Variants in FREM1 observed in about 807,000 individuals in gnomAD.
FREM1 encodes FRAS1 related extracellular matrix 1.
FREM1 carries 220 observed loss-of-function variants against 210.1 expected under a neutral mutation model. The ratio of observed to expected loss-of-function variants is 1.05; its 90% confidence interval spans 0.94 to 1.17. The LOEUF is 1.17. Among genes scored for constraint, FREM1 ranks in the 50% most tolerant of loss-of-function variants. FREM1 has a pLI of 0.00. For missense variants in FREM1, 3,454 were observed against 2,675.5 expected, an observed-to-expected ratio of 1.29 and a Z score of -6.42; for synonymous variants, 1,189 against 980.2, an observed-to-expected ratio of 1.21 and a Z score of -3.98.
chr9:14,739,231 G>A (rs954504819), intron 36 of FREM1, among the ~76,000 whole-genome samples: 13 of 150,958 alleles, frequency 8.6e-5, no homozygotes, highest in Non-Finnish European at 1.5e-4. Context: ...AGCCTCCCAA[G>A]TAGGTGGGAC....
At chr9:14,813,754 T>TATC (rs61651238) in intron 15 of FREM1, among the ~76,000 whole-genome samples, 23,423 of 151,944 alleles carry the variant, frequency 0.15, 2,530 homozygotes, top group East Asian at 0.51. Context: ...TGGAAAAGCA[T>TATC]ATCTTCTAAA....
At chr9:14,909,082 G>A (rs1818285816) in intron 1 of FREM1, among the ~76,000 whole-genome samples, 1 of 152,174 alleles carries the variant, frequency 6.6e-6, no homozygotes, top group East Asian at 1.9e-4. Context: ...GCACCACAGA[G>A]GTTAATCTCT....
At chr9:14,835,474 C>T (rs1163385976) in intron 10 of FREM1, among the ~76,000 whole-genome samples, 2 of 152,188 alleles carry the variant, frequency 1.3e-5, no homozygotes, top group African/African-American at 4.8e-5. Context: ...AGGAATCAAG[C>T]TCGACATGTA....
chr9:14,859,121 GC>G, intron 4 of FREM1, 61 bp downstream of exon 4: 3 of 1,317,290 alleles, frequency 2.3e-6, no homozygotes, highest in Non-Finnish European at 3.1e-6. Context: ...TGGAAGGTGA[GC>G]ATGCATGGAT....
chr9:14,850,462 G>C lies in FREM1; in HGVS notation c.1152+822C>G, dbSNP rs1367239515. Reference sequence around the variant, plus strand: ...CTTGGCAGCACATATACTAAAATTGGAATGCTACAGAGAAGATTAGCATAG... The same window carrying C: ...CTTGGCAGCACATATACTAAAATTGCAATGCTACAGAGAAGATTAGCATAG... On this transcript the variant is annotated intron_variant, in intron 6 of 36. Coordinates refer to ENST00000380880, the MANE Select transcript of FREM1 (RefSeq NM_001379081.2). 4 of 152,246 alleles carry C rather than the reference G, an allele frequency of 2.6e-5. No homozygotes were observed. In the East Asian group the frequency reaches 7.7e-4, roughly 29 times the overall value. The allele number at this position is 152,246 out of a possible 1,614,324, so 9.4% of individuals were successfully genotyped here. A position where few individuals can be genotyped will look rare whatever the true frequency, so the allele number is the denominator to read the frequency against.
At chr9:14,769,248 C>T (rs2132466770) in intron 27 of FREM1, among the ~76,000 whole-genome samples, 1 of 152,288 alleles carries the variant, frequency 6.6e-6, no homozygotes, top group Middle Eastern at 3.4e-3. Context: ...TATAAACATA[C>T]TGTCAAGTAA....
At chr9:14,884,770 C>T (rs996119014) in intron 1 of FREM1, among the ~76,000 whole-genome samples, 7 of 152,248 alleles carry the variant, frequency 4.6e-5, no homozygotes, top group African/African-American at 1.7e-4. Context: ...TCTTAACGGT[C>T]AATGGTAATG....
rs200482899 is a variant in FREM1, at chr9:14,859,273, G to A, written c.541C>T (p.Arg181Trp). 1.8e-4 allele frequency: 284 copies of A among 1,613,668 alleles called. No homozygotes were observed. In the African/African-American group the frequency reaches 1.8e-3, roughly 10 times the overall value. Residue 181 changes from arginine to tryptophan, a missense_variant, in exon 4 of 37, where the codon CGG (arginine) becomes TGG (tryptophan). Coordinates refer to ENST00000380880, the MANE Select transcript of FREM1 (RefSeq NM_001379081.2). ...ACCATCTGGCCATGGGCTGGCAGCC[G>A]AGTTCTCGCAGTGTCCAGGCTGACG... is the stretch of plus-strand genomic sequence containing the variant. ...CTVSLDTART[R>W]LPAHGQMVLG...
intron 18 of FREM1, among the ~76,000 whole-genome samples, chr9:14,806,253 CT>C (rs35603165): frequency 3.6e-3 from 466 of 129,714 alleles, no homozygotes; most frequent in Middle Eastern, 0.016. Context: ...GTGCTTTAAA[CT>C]TTTTTTTTTT....
intron 21 of FREM1, among the ~76,000 whole-genome samples, chr9:14,795,926 G>C (rs1302731127): frequency 2.0e-5 from 3 of 152,042 alleles, no homozygotes; most frequent in Non-Finnish European, 4.4e-5. Flanking sequence ...CTTAAAATGA[G>C]ATCATCAAAA....
chr9:14,854,282 T>C (rs746390748), intron 5 of FREM1, among the ~76,000 whole-genome samples: 2 of 152,066 alleles, frequency 1.3e-5, no homozygotes, highest in Admixed American at 6.5e-5. Context: ...TAAAACATGA[T>C]AGAAAAAAGT....
chr9:14,823,225 C>G lies in FREM1; in HGVS notation c.2272G>C (p.Gly758Arg). ...AAGCAGATCCCATGCAAAGTACCGCCATGTTGGTTACTGACAGAAAATGTG... is the reference window on the plus strand; with the variant it reads ...AAGCAGATCCCATGCAAAGTACCGCGATGTTGGTTACTGACAGAAAATGTG... ...QFTFSVSNQH[G>R]GTLHGICFNI... is the part of the protein sequence containing the mutation. Residue 758 changes from glycine (G) to arginine (R), a missense_variant, in exon 13 of 37, where the codon GGC becomes CGC. By Grantham distance (125) the Gly-to-Arg change is moderately radical (BLOSUM62 -2). Transcript: ENST00000380880. The G allele has an allele frequency of 6.2e-7, 1 of 1,613,942 alleles. No homozygotes were observed.
intron 27 of FREM1, among the ~76,000 whole-genome samples, chr9:14,764,478 T>C (rs745443539): frequency 6.6e-5 from 10 of 152,224 alleles, no homozygotes; most frequent in Non-Finnish European, 1.5e-5. Context: ...TTTATTAGCA[T>C]AGAGAGAAAG....
chr9:14,808,890 T>G (rs1184278318), intron 16 of FREM1, among the ~76,000 whole-genome samples: 1 of 151,938 alleles, frequency 6.6e-6, no homozygotes, highest in Non-Finnish European at 1.5e-5. Flanking sequence ...GGAGTAAGAG[T>G]GCTTGCTATC....
At chr9:14,848,115 T>A (rs1053627640) in intron 7 of FREM1, among the ~76,000 whole-genome samples, 2 of 152,174 alleles carry the variant, frequency 1.3e-5, no homozygotes, top group Non-Finnish European at 2.9e-5. Context: ...ATTGATGGGA[T>A]CAGTGAGAAG....
At chr9:14,797,679 T>C in intron 20 of FREM1, 37 bp from the exon 21 acceptor site, 2 of 1,560,772 alleles carry the variant, frequency 1.3e-6, no homozygotes, top group Non-Finnish European at 1.8e-6. Flanking sequence ...ATCTTCCTTA[T>C]GATTGAACCA....
chr9:14,863,848 G>T lies in FREM1; in HGVS notation c.290C>A (p.Pro97Gln). The T allele has an allele frequency of 6.2e-7, 1 of 1,613,166 alleles. No individual in the cohort carries two copies. The change falls in exon 3 of 37, where the codon CCA (proline) becomes CAA (glutamine). Residue 97 changes from proline (P) to glutamine (Q), a missense_variant. Physicochemically the swap from Pro to Gln is moderately conservative, Grantham distance 76 (BLOSUM62 -1). Coordinates refer to ENST00000380880, the MANE Select transcript of FREM1 (RefSeq NM_001379081.2). ...CTTCACTGTGTCTTCATCAAGAATT[G>T]GACAACCATTGTGAACATACTTGAC... ...NEVKYVHNGC[P>Q]ILDEDTVKLR...
chr9:14,759,371 C>G (rs1301196074), intron 28 of FREM1, among the ~76,000 whole-genome samples: 1 of 151,654 alleles, frequency 6.6e-6, no homozygotes, highest in Non-Finnish European at 1.5e-5. Context: ...TTAGCAGGGC[C>G]TGGTGGCAGG....
intron 35 of FREM1, among the ~76,000 whole-genome samples, chr9:14,741,059 T>C (rs1587624692): frequency 6.6e-6 from 1 of 152,244 alleles, no homozygotes; most frequent in African/African-American, 2.4e-5. Flanking sequence ...CATTGTACCC[T>C]ACAATGTAAT....
Sources: gnomAD v4.1 joint callset for allele counts (sites outside exome capture counted in the v4.1 genomes callset) on GRCh38, gnomAD v4.1.1 for gene constraint, MANE v1.5 for transcripts, NCBI Gene and HGNC (gene_info 2026-07-23, HGNC 2026-07-21) for gene names.